Variants in MAP2K6 observed in about 807,000 individuals in gnomAD.
MAP2K6 encodes the protein mitogen-activated protein kinase kinase 6.
A neutral mutation model predicts 53.7 loss-of-function variants in MAP2K6; 16 were observed. The ratio of observed to expected loss-of-function variants is 0.30; its 90% confidence interval spans 0.20 to 0.45. The LOEUF (loss-of-function observed/expected upper bound fraction) is 0.45. MAP2K6 is among the 20% of genes least tolerant of loss of function. The pLI, the probability that MAP2K6 is intolerant of heterozygous loss-of-function variation, is 1.00. For synonymous variants in MAP2K6, 132 were observed against 143.1 expected, an observed-to-expected ratio of 0.92 and a Z score of 0.55; for missense variants, 204 against 411.9, an observed-to-expected ratio of 0.50 and a Z score of 4.37.
At chr17:69,493,452 G>A (rs1312511570) in intron 1 of MAP2K6, among the ~76,000 whole-genome samples, 1 of 152,140 alleles carries the variant, frequency 6.6e-6, no homozygotes, top group African/African-American at 2.4e-5. Context: ...ACAGATGACA[G>A]TGGATATATA....
At chr17:69,459,043 A>G (rs1377182066) in intron 1 of MAP2K6, among the ~76,000 whole-genome samples, 1 of 152,192 alleles carries the variant, frequency 6.6e-6, no homozygotes. Context: ...AGCAACCTCT[A>G]AGCCAGAGAG....
In MAP2K6 at chr17:69,485,618, A is replaced by G. The variant is rs1156309011; in HGVS notation, c.17-20162A>G. The G allele has an allele frequency of 1.7e-5, 3 of 179,004 alleles. No individual in the cohort carries two copies. In the East Asian group the frequency reaches 5.7e-4, roughly 34 times the overall value. 11.1% of individuals were successfully genotyped at this position (179,004 alleles called of 1,614,324 possible). On this transcript the variant is annotated intron_variant, in intron 1 of 11. Transcript: ENST00000590474. Reference sequence around the variant, plus strand: ...AACACCCTGTTATACATCTATACTGAGTGCCTCTCACAGCTTCCCTTCACA... The same window carrying G: ...AACACCCTGTTATACATCTATACTGGGTGCCTCTCACAGCTTCCCTTCACA...
At chr17:69,416,891 A>G (rs1316490892) in intron 1 of MAP2K6, among the ~76,000 whole-genome samples, 2 of 152,274 alleles carry the variant, frequency 1.3e-5, no homozygotes, top group African/African-American at 4.8e-5. Flanking sequence ...TCCTTTTTGC[A>G]TATTTTTGGG....
At chr17:69,503,703 A>AT (rs1173773060) in intron 1 of MAP2K6, among the ~76,000 whole-genome samples, 2 of 152,166 alleles carry the variant, frequency 1.3e-5, no homozygotes, top group East Asian at 3.9e-4. Flanking sequence ...CTCTTCATTA[A>AT]TTTTTTAAAT....
chr17:69,490,710 AT>A (rs1005132994), intron 1 of MAP2K6, among the ~76,000 whole-genome samples: 55 of 147,442 alleles, frequency 3.7e-4, no homozygotes, highest in East Asian at 1.2e-3. Context: ...AAACCCCTGA[AT>A]TTTTTTTTTT....
In MAP2K6 at chr17:69,479,040, T is replaced by C. The variant is rs573998754; in HGVS notation, c.17-26740T>C. Among the ~76,000 whole-genome samples the C allele has an allele frequency of 7.2e-5, 11 of 152,308 alleles. No individual in the cohort carries two copies. In the East Asian group the frequency reaches 2.1e-3, roughly 29 times the overall value. ...TCCATTTTTCTTTCTAGGTCTGATG[T>C]GGCTGTGTTTCAGCCTGTGCTTATA... On this transcript the variant is annotated intron_variant, in intron 1 of 11. Transcript: ENST00000590474.
Position 69,430,076 on chromosome 17 carries a change from C to G in MAP2K6, c.16+15076C>G, listed in dbSNP as rs181818735. On this transcript the variant is annotated intron_variant, in intron 1 of 11. Coordinates refer to ENST00000590474, the MANE Select transcript of MAP2K6 (RefSeq NM_002758.4). ...GCACAGTGGCTCATGCCTGTAATCC[C>G]AGCACTTTGGGAGGCTGAGGTGGGT... is the stretch of plus-strand genomic sequence containing the variant. 1.0e-3 allele frequency among the ~76,000 whole-genome samples: 154 copies of G among 152,304 alleles called. 1 individual carries two copies. Among genetic ancestry groups the G allele is most frequent in the Non-Finnish European group, 1.5e-4 (10 of 68,022 alleles).
At chr17:69,462,431 A>G (rs1014219308) in intron 1 of MAP2K6, among the ~76,000 whole-genome samples, 6 of 152,092 alleles carry the variant, frequency 3.9e-5, no homozygotes, top group Non-Finnish European at 8.8e-5. Context: ...GTTTTCCTCT[A>G]GAGCCATGAC....
Position 69,421,768 on chromosome 17 carries a change from C to T in MAP2K6, c.16+6768C>T, listed in dbSNP as rs183171209. 3.3e-3 allele frequency among the ~76,000 whole-genome samples: 499 copies of T among 152,120 alleles called. 3 individuals carry two copies. The highest frequency in any genetic ancestry group is 0.011 in the African/African-American group (470 of 41,484). ...CCGTGTTAGCCAGGATGGTCTCGAT[C>T]TCCTGACCTCGTGATCCACCCGCCT... is the stretch of plus-strand genomic sequence containing the variant. On this transcript the variant is annotated intron_variant, in intron 1 of 11. Coordinates refer to ENST00000590474, the MANE Select transcript of MAP2K6 (RefSeq NM_002758.4).
chr17:69,431,300 C>A (rs1393749770), intron 1 of MAP2K6, among the ~76,000 whole-genome samples: 1 of 151,616 alleles, frequency 6.6e-6, no homozygotes, highest in African/African-American at 2.4e-5. Flanking sequence ...ATAGAAACAC[C>A]CTTATTGTAT....
chr17:69,505,913 T>G, intron 2 of MAP2K6, 67 bp downstream of exon 2: 2 of 1,402,278 alleles, frequency 1.4e-6, no homozygotes, highest in Non-Finnish European at 2.0e-6. Context: ...GGGGGTTTAT[T>G]TTTGGACTGC....
rs1598324629 is a variant in MAP2K6, at chr17:69,541,899, C to T, written c.*146C>T. ...GTTTTCTCTCCCAATTTTCTTTTTACTCCCCCTCTTAAGGGGGCCTTGGAA... is the reference window on the plus strand; with the variant it reads ...GTTTTCTCTCCCAATTTTCTTTTTATTCCCCCTCTTAAGGGGGCCTTGGAA... On this transcript the variant is annotated 3_prime_UTR_variant, in exon 12 of 12. Transcript: ENST00000590474. 1 of 571,250 alleles carries T rather than the reference C, an allele frequency of 1.8e-6. No homozygotes were observed. The allele number at this position is 571,250 out of a possible 1,614,324, so 35.4% of individuals were successfully genotyped here.
chr17:69,515,441 G>A (rs1185354086), intron 2 of MAP2K6, among the ~76,000 whole-genome samples: 1 of 152,238 alleles, frequency 6.6e-6, no homozygotes, highest in Non-Finnish European at 1.5e-5. Context: ...ACAGCTGTGA[G>A]CCACCGTGCC....
At chr17:69,448,008 C>T (rs113468834) in intron 1 of MAP2K6, among the ~76,000 whole-genome samples, 2 of 152,162 alleles carry the variant, frequency 1.3e-5, no homozygotes, top group African/African-American at 2.4e-5. Context: ...AGGACTGAGC[C>T]GTTCTTGGGG....
At position 69,551,467 on chromosome 17, in the gene MAP2K6, TGACAGTG is replaced by T. The variant is rs1024212877; in HGVS notation, c.*9715_*9721del. On this transcript the variant is annotated 3_prime_UTR_variant, in exon 12 of 12. Transcript: ENST00000590474. ...CACACATAAAGAGTCTGGTGAATTCTGACAGTGTTCTGTTTGCCACTAGAGCAAATTT... is the reference window on the plus strand; with the variant it reads ...CACACATAAAGAGTCTGGTGAATTCTTTCTGTTTGCCACTAGAGCAAATTT... 2 of 152,256 alleles carry T rather than the reference TGACAGTG, an allele frequency of 1.3e-5. No individual in the cohort carries two copies. The highest frequency in any genetic ancestry group is 2.9e-5 in the Non-Finnish European group (2 of 68,054). 9.4% of individuals were successfully genotyped at this position (152,256 alleles called of 1,614,324 possible).
chr17:69,512,748 A>G (rs760379790), intron 2 of MAP2K6, among the ~76,000 whole-genome samples: 2 of 152,192 alleles, frequency 1.3e-5, no homozygotes, highest in Non-Finnish European at 2.9e-5. Context: ...AATAGAGGTA[A>G]TAACACCTCT....
At chr17:69,472,106 A>AT (rs1322661258) in intron 1 of MAP2K6, among the ~76,000 whole-genome samples, 6 of 152,108 alleles carry the variant, frequency 3.9e-5, no homozygotes, top group Non-Finnish European at 8.8e-5. Flanking sequence ...GTGACTTAAC[A>AT]TATCGTTCTT....
At chr17:69,472,769 G>A (rs529072654) in intron 1 of MAP2K6, among the ~76,000 whole-genome samples, 1 of 152,254 alleles carries the variant, frequency 6.6e-6, no homozygotes, top group East Asian at 1.9e-4. Context: ...TATGGCCTCG[G>A]CTCCCTGCAG....
intron 1 of MAP2K6, among the ~76,000 whole-genome samples, chr17:69,466,618 C>G (rs944425214): frequency 6.6e-6 from 1 of 152,244 alleles, no homozygotes; most frequent in African/African-American, 2.4e-5. Flanking sequence ...AAGTGGAAAT[C>G]AGATGCTCTT....
Sources: allele counts gnomAD v4.1 joint callset (sites outside exome capture counted in the v4.1 genomes callset), GRCh38; gene constraint gnomAD v4.1.1; transcripts MANE v1.5; gene names NCBI Gene and HGNC (gene_info 2026-07-23, HGNC 2026-07-21).